ANKRD54: variants seen among roughly 807,000 people sequenced by gnomAD.
ANKRD54 encodes the protein ankyrin repeat domain-containing protein 54.
In ANKRD54, 26 loss-of-function variants were observed where a neutral mutation model predicts 36.2. The ratio of observed to expected loss-of-function variants is 0.72; its 90% CI spans 0.53 to 1.00. ANKRD54 has a LOEUF of 1.00. Among genes scored for constraint, ANKRD54 ranks in the 50% least tolerant of loss-of-function variants. The pLI is 0.00. For missense variants in ANKRD54, 384 were observed against 424.3 expected (o/e 0.91, Z 0.83); for synonymous variants, 209 against 188.4 (o/e 1.11, Z -0.89).
rs1337960014 is a variant in ANKRD54, at chr22:37,844,224, G to C, written c.15C>G (p.Ala5=). Residue 5 remains alanine (A), a synonymous_variant, in exon 1 of 8, where the codon GCC becomes GCG. Transcript: ENST00000215941. MAAA[A]GDADDEPRSG... Reference sequence around the variant, plus strand: ...AGCGCGGCTCGTCGTCCGCGTCCCCGGCGGCGGCTGCCATGGCAACGGCTC... The same window carrying C: ...AGCGCGGCTCGTCGTCCGCGTCCCCCGCGGCGGCTGCCATGGCAACGGCTC... 6 of 1,535,540 alleles carry C rather than the reference G, an allele frequency of 3.9e-6. No homozygotes were observed. Among genetic ancestry groups the C allele is most frequent in the Non-Finnish European group, 5.2e-6 (6 of 1,151,346 alleles).
chr22:37,836,696 C>T (rs1350766204), intron 3 of ANKRD54, among the ~76,000 whole-genome samples: 3 of 151,464 alleles, frequency 2.0e-5, no homozygotes, highest in African/African-American at 7.3e-5. Context: ...TGTAACGAAC[C>T]TGCACGTTCT....
At chr22:37,840,262 TA>T (rs745857749) in intron 1 of ANKRD54, 28 bp from the exon 2 acceptor site, 4 of 1,612,720 alleles carry the variant, frequency 2.5e-6, no homozygotes, top group South Asian at 1.1e-5. Flanking sequence ...GATGCCAGTT[TA>T]AAAAAACAGC....
chr22:37,842,063 T>C (rs1924343852), intron 1 of ANKRD54, among the ~76,000 whole-genome samples: 2 of 149,916 alleles, frequency 1.3e-5, no homozygotes, highest in South Asian at 4.2e-4. Context: ...GAAAAAATAT[T>C]TCTCAATCTT....
At chr22:37,846,180 GA>G (rs71195060), upstream of ANKRD54, among the ~76,000 whole-genome samples, 353 of 146,992 alleles carry the variant, frequency 2.4e-3, 1 homozygote, top group Non-Finnish European at 3.7e-3. Flanking sequence ...ATCTCAAAAA[GA>G]AAAAAAAAAG....
chr22:37,838,361 G>T (rs1316233770), intron 3 of ANKRD54, 139 bp downstream of exon 3: 55 of 780,200 alleles, frequency 7.0e-5, no homozygotes, highest in Non-Finnish European at 1.2e-5. Context: ...AGAAGGGCAG[G>T]GCACTGCAGT....
upstream of ANKRD54, chr22:37,848,559 C>T (rs908527486): frequency 6.6e-6 from 1 of 152,042 alleles, no homozygotes; most frequent in African/African-American, 2.4e-5. Context: ...CCACTCCCGG[C>T]TAATTTTTGT....
intron 1 of ANKRD54, among the ~76,000 whole-genome samples, chr22:37,842,486 C>G (rs1924401602): frequency 6.6e-6 from 1 of 152,220 alleles, no homozygotes; most frequent in Non-Finnish European, 1.5e-5. Flanking sequence ...CGAGTTATTG[C>G]AAATGATTTA....
chr22:37,847,912 G>A, upstream of ANKRD54: 1 of 250,524 alleles, frequency 4.0e-6, no homozygotes, highest in Non-Finnish European at 8.7e-6. Context: ...GATGGCATCA[G>A]AGCAGACACC....
upstream of ANKRD54, among the ~76,000 whole-genome samples, chr22:37,846,670 A>C (rs1310741781): frequency 6.6e-6 from 1 of 152,012 alleles, no homozygotes; most frequent in Non-Finnish European, 1.5e-5. Flanking sequence ...CCTGAGCTCA[A>C]GTGATCCTCC....
rs1354538310 is a variant in ANKRD54 at position 37,840,177 on chromosome 22, G to A, written c.376+10C>T. 11 of 1,613,858 alleles carry A rather than the reference G, an allele frequency of 6.8e-6. No individual in the cohort carries two copies. Among genetic ancestry groups the A allele is most frequent in the Non-Finnish European group, 8.5e-6 (10 of 1,179,922 alleles). ...GGGACCCTGTAGCTGGACCTACTGTGCACACTCACCTGTTTCCACATCATT... is the reference window on the plus strand; with the variant it reads ...GGGACCCTGTAGCTGGACCTACTGTACACACTCACCTGTTTCCACATCATT... On this transcript the variant is annotated intron_variant, in intron 2 of 7. Coordinates refer to ENST00000215941, the MANE Select transcript of ANKRD54 (RefSeq NM_138797.4).
upstream of ANKRD54, chr22:37,848,700 C>G (rs1265258341): frequency 1.3e-5 from 2 of 151,846 alleles, no homozygotes; most frequent in Non-Finnish European, 2.9e-5. Flanking sequence ...CCGGCCAAAT[C>G]TCAATTTTTA....
chr22:37,832,171 A>G (rs1278221228), intron 7 of ANKRD54, among the ~76,000 whole-genome samples, 154 bp from the exon 8 acceptor site: 2 of 152,156 alleles, frequency 1.3e-5, no homozygotes, highest in East Asian at 3.9e-4. Context: ...CCAAGGGTCA[A>G]TCTTTGACAC....
At chr22:37,833,935 C>T in intron 3 of ANKRD54, 180 bp from the exon 4 acceptor site, 1 of 604,500 alleles carries the variant, frequency 1.7e-6, no homozygotes, top group Non-Finnish European at 2.9e-6. Context: ...ATGGGCAAAG[C>T]CCTGAGGGCC....
At chr22:37,841,847 CAAAA>C (rs900150581) in intron 1 of ANKRD54, among the ~76,000 whole-genome samples, 4 of 136,208 alleles carry the variant, frequency 2.9e-5, no homozygotes, top group Non-Finnish European at 4.9e-5. Flanking sequence ...GACTCTGTCT[CAAAA>C]TAAATAAATA....
chr22:37,832,377 CAT>C (rs927456686), intron 7 of ANKRD54, among the ~76,000 whole-genome samples: 4 of 151,966 alleles, frequency 2.6e-5, no homozygotes, highest in Admixed American at 2.0e-4. Flanking sequence ...CCTTTTTCCA[CAT>C]GTTCTGAGAG....
chr22:37,840,348 G>A (rs1924071948), intron 1 of ANKRD54, 114 bp from the exon 2 acceptor site: 1 of 1,116,506 alleles, frequency 9.0e-7, no homozygotes. Flanking sequence ...CACAAGGTCA[G>A]GAGATCGAGA....
chr22:37,844,072 C>A lies in ANKRD54; in HGVS notation c.167G>T (p.Arg56Leu), dbSNP rs1006098591. 5 of 1,438,940 alleles carry A rather than the reference C, an allele frequency of 3.5e-6. No individual in the cohort carries two copies. In the African/African-American group the frequency reaches 4.5e-5, roughly 13 times the overall value. The allele number at this position is 1,438,940 out of a possible 1,614,324, so 89.1% of individuals were successfully genotyped here. A position where few individuals can be genotyped will look rare whatever the true frequency, so the allele number is the denominator to read the frequency against. The change falls in exon 1 of 8, where the codon CGG becomes CTG. Residue 56 changes from arginine (R) to leucine (L), a missense_variant. Arg to Leu is a moderately radical substitution (Grantham distance 102). Transcript: ENST00000215941. ...LGGGGAGLSGRASGGAQSPLR... is the reference protein window; with the variant it reads ...LGGGGAGLSGLASGGAQSPLR... ...CGGCGACTGGGCCCCGCCGGACGCC[C>A]GGCCCGAGAGGCCCGCGCCGCCGCC...
chr22:37,845,319 C>T (rs1924772882), upstream of ANKRD54, among the ~76,000 whole-genome samples: 1 of 152,166 alleles, frequency 6.6e-6, no homozygotes, highest in Non-Finnish European at 1.5e-5. Context: ...GCTCACAATC[C>T]AATGGGAGAA....
chr22:37,844,723 C>T (rs1444948909), upstream of ANKRD54, among the ~76,000 whole-genome samples: 2 of 152,124 alleles, frequency 1.3e-5, no homozygotes, highest in African/African-American at 4.8e-5. Context: ...GCGCGCGCCA[C>T]CACGCCCAGC....
Sources: gnomAD v4.1 joint callset for allele counts (sites outside exome capture counted in the v4.1 genomes callset) on GRCh38, gnomAD v4.1.1 for gene constraint, MANE v1.5 for transcripts, NCBI Gene and HGNC (gene_info 2026-07-23, HGNC 2026-07-21) for gene names.